HPS5: variants seen among roughly 807,000 people sequenced by gnomAD.
HPS5 encodes the protein BLOC-2 complex member HPS5.
A neutral mutation model predicts 128.0 loss-of-function variants in HPS5; 83 were observed. That is an observed-to-expected ratio of 0.65 (90% CI 0.54 to 0.78). The LOEUF is 0.78. Among genes scored for constraint, HPS5 ranks in the 30% least tolerant of loss-of-function variants. HPS5 has a pLI of 0.00. For synonymous variants in HPS5, 475 were observed against 470.2 expected (o/e 1.01, Z -0.13); for missense variants, 1,281 against 1,326.2 (o/e 0.97, Z 0.53).
At position 18,296,160 on chromosome 11, in the gene HPS5, A is replaced by C. The variant is rs368650907; in HGVS notation, c.1511-38T>G. On this transcript the variant is annotated intron_variant, in intron 12 of 22. Coordinates refer to ENST00000349215, the MANE Select transcript of HPS5 (RefSeq NM_181507.2). ...ATCAGGAAAAAAAGAAACAAAATCTAATCACGTGGGAGTTGTTTTAATCTT... is the reference window on the plus strand; with the variant it reads ...ATCAGGAAAAAAAGAAACAAAATCTCATCACGTGGGAGTTGTTTTAATCTT... The C allele has an allele frequency of 2.3e-5, 37 of 1,603,078 alleles. No individual in the cohort carries two copies. In the African/African-American group the frequency reaches 3.9e-4, roughly 17 times the overall value.
intron 10 of HPS5, among the ~76,000 whole-genome samples, chr11:18,298,093 A>G (rs1861291082): frequency 2.0e-5 from 3 of 151,738 alleles, no homozygotes; most frequent in African/African-American, 4.8e-5. Flanking sequence ...CTCAAAAAAA[A>G]AAAAAAGAAA....
In HPS5 at chr11:18,297,730, C is replaced by CA; in HGVS notation, c.1165-14dup. On this transcript the variant is annotated splice_polypyrimidine_tract_variant and intron_variant, in intron 10 of 22. Transcript: ENST00000349215. The stretch of plus-strand genomic sequence containing the variant: ...AAGTTTTTCTTGCCTAATAAAACAA[C>CA]AGCGCAATGGAATAGCTATTTGTAG... The CA allele has an allele frequency of 6.2e-7, 1 of 1,612,020 alleles. No homozygotes were observed.
At chr11:18,316,239 G>A (rs1863611234) in intron 2 of HPS5, among the ~76,000 whole-genome samples, 1 of 151,926 alleles carries the variant, frequency 6.6e-6, no homozygotes, top group African/African-American at 2.4e-5. Flanking sequence ...AGGTTACAGT[G>A]AGCTAGGATC....
chr11:18,312,458 TA>T lies in HPS5; in HGVS notation c.109-435del, dbSNP rs917406395. On this transcript the variant is annotated intron_variant, in intron 2 of 22. Transcript: ENST00000349215. ...AACACCACAAAACATCCACAAGTCT[TA>T]GGGTAGGTGAGACTCCATCAGAGAA... is the stretch of plus-strand genomic sequence containing the variant. Among the ~76,000 whole-genome samples, 7 of 152,346 alleles carry T rather than the reference TA, an allele frequency of 4.6e-5. No homozygotes were observed. The East Asian group carries it at 1.3e-3, about 29-fold the overall frequency.
chr11:18,298,477 A>G (rs750258013), intron 10 of HPS5, among the ~76,000 whole-genome samples: 5 of 152,236 alleles, frequency 3.3e-5, no homozygotes, highest in Non-Finnish European at 5.9e-5. Context: ...CCTGGGTGAC[A>G]GAGCGAGACT....
At chr11:18,305,855 G>A (rs918598840) in intron 7 of HPS5, among the ~76,000 whole-genome samples, 6 of 151,250 alleles carry the variant, frequency 4.0e-5, no homozygotes, top group Admixed American at 1.3e-4. Flanking sequence ...TCAGCCTCCC[G>A]AGTAGCTGGG....
At chr11:18,283,328 T>TAA (rs34748325) in intron 21 of HPS5, among the ~76,000 whole-genome samples, 42 of 124,482 alleles carry the variant, frequency 3.4e-4, no homozygotes, top group Non-Finnish European at 4.8e-4. Context: ...AATGGGAAAT[T>TAA]AAAAAAAAAA....
chr11:18,297,079 A>C, intron 11 of HPS5, 95 bp from the exon 12 acceptor site: 1 of 833,348 alleles, frequency 1.2e-6, no homozygotes, highest in Non-Finnish European at 1.9e-6. Context: ...ACTCAAATAG[A>C]AAGTTAATAA....
At chr11:18,315,757 T>TG (rs1554947177) in intron 2 of HPS5, among the ~76,000 whole-genome samples, 1 of 152,128 alleles carries the variant, frequency 6.6e-6, no homozygotes, top group African/African-American at 2.4e-5. Context: ...CATGCCCAGA[T>TG]AGACTTTTCA....
chr11:18,285,563 C>A (rs1295016594), intron 19 of HPS5, 104 bp from the exon 20 acceptor site: 3 of 775,892 alleles, frequency 3.9e-6, no homozygotes, highest in Non-Finnish European at 6.5e-6. Flanking sequence ...CATTCTATTA[C>A]TACATTTTAA....
At chr11:18,315,757 T>C (rs1018905604) in intron 2 of HPS5, among the ~76,000 whole-genome samples, 1 of 152,128 alleles carries the variant, frequency 6.6e-6, no homozygotes, top group African/African-American at 2.4e-5. Context: ...CATGCCCAGA[T>C]AGACTTTTCA....
In HPS5 at chr11:18,286,246, T is replaced by C. The variant is rs749715482; in HGVS notation, c.2837+345A>G. ...CCAAAGGAACACTGGAGCTTAATCCTTAGAAATAAGACTCCTAGCCAGGCA... is the reference window on the plus strand; with the variant it reads ...CCAAAGGAACACTGGAGCTTAATCCCTAGAAATAAGACTCCTAGCCAGGCA... On this transcript the variant is annotated intron_variant, in intron 19 of 22. Coordinates refer to ENST00000349215, the MANE Select transcript of HPS5 (RefSeq NM_181507.2). Among the ~76,000 whole-genome samples, 18 of 152,168 alleles carry C rather than the reference T, an allele frequency of 1.2e-4. 1 individual carries two copies. Among genetic ancestry groups the C allele is most frequent in the Admixed American group, 5.2e-4 (8 of 15,276 alleles).
rs369368194 is a variant in HPS5 at position 18,282,203 on chromosome 11, C to T, written c.3076G>A (p.Val1026Met). 38 of 1,614,046 alleles carry T rather than the reference C, an allele frequency of 2.4e-5. No individual in the cohort carries two copies. Among genetic ancestry groups the T allele is most frequent in the Non-Finnish European group, 2.9e-5 (34 of 1,180,046 alleles). ...EGDNGWIPET[V>M]EEWKLLLHLI... ...TGAAGGAGAAGCTTCCATTCCTCCACGGTCTCTGGGATCCAACCTAAACAC... is the reference window on the plus strand; with the variant it reads ...TGAAGGAGAAGCTTCCATTCCTCCATGGTCTCTGGGATCCAACCTAAACAC... The change falls in exon 22 of 23, where the codon GTG becomes ATG. Residue 1026 changes from valine (V) to methionine (M), a missense_variant. Transcript: ENST00000349215.
chr11:18,319,255 C>CCA (rs10531816), intron 1 of HPS5, among the ~76,000 whole-genome samples: 4,664 of 139,176 alleles, frequency 0.034, 102 homozygotes, highest in South Asian at 0.067. Flanking sequence ...AAGACAAATA[C>CCA]CACACACACA....
chr11:18,314,159 C>T (rs1459132668), intron 2 of HPS5, among the ~76,000 whole-genome samples: 1 of 152,186 alleles, frequency 6.6e-6, no homozygotes, highest in Non-Finnish European at 1.5e-5. Flanking sequence ...CTACAGTGCA[C>T]TGCAGTGTGC....
At position 18,296,160 on chromosome 11, in the gene HPS5, A is replaced by G. The variant is rs368650907; in HGVS notation, c.1511-38T>C. The G allele has an allele frequency of 3.1e-6, 5 of 1,603,078 alleles. No homozygotes were observed. In the African/African-American group the frequency reaches 4.0e-5, roughly 13 times the overall value. On this transcript the variant is annotated intron_variant, in intron 12 of 22. Coordinates refer to ENST00000349215, the MANE Select transcript of HPS5 (RefSeq NM_181507.2). ...ATCAGGAAAAAAAGAAACAAAATCTAATCACGTGGGAGTTGTTTTAATCTT... is the reference window on the plus strand; with the variant it reads ...ATCAGGAAAAAAAGAAACAAAATCTGATCACGTGGGAGTTGTTTTAATCTT...
At chr11:18,300,129 T>C (rs1861524119) in intron 9 of HPS5, among the ~76,000 whole-genome samples, 1 of 152,098 alleles carries the variant, frequency 6.6e-6, no homozygotes, top group Non-Finnish European at 1.5e-5. Flanking sequence ...CAATGAATGT[T>C]CCCAACATGA....
Position 18,305,442 on chromosome 11 carries a change from G to A in HPS5, c.876C>T (p.Phe292=). The A allele has an allele frequency of 6.2e-7, 1 of 1,609,116 alleles. No individual in the cohort carries two copies. Among genetic ancestry groups the A allele is most frequent in the Non-Finnish European group, 8.5e-7 (1 of 1,175,702 alleles). ...CTTACCTAAGATGTAAGAGTTTGGG[G>A]AAAGACAAAGACTGGGAGGATCCAG... ...HTAGSSQSLS[F]PKLLHLSEHC... is the part of the protein sequence containing the mutation. The change falls in exon 8 of 23, where the codon TTC becomes TTT. Residue 292 remains phenylalanine, a synonymous_variant. Transcript: ENST00000349215.
chr11:18,291,607 C>A lies in HPS5; in HGVS notation c.2275G>T (p.Gly759Ter). The change falls in exon 16 of 23, where the codon GGA (glycine) becomes TGA (stop). Residue 759 changes from glycine (G) to a stop codon, truncating the protein, a stop_gained. Transcript: ENST00000349215. LOFTEE classifies it high-confidence loss of function. ...TGTTGCAAAGTGTGGTCCACATGTC[C>A]ACTGGTGCTTTTGATCTTAGAATTC... is the stretch of plus-strand genomic sequence containing the variant. ...VLNSKIKSTS[G>*]HVDHTLQQYS... 1 of 1,614,098 alleles carries A rather than the reference C, an allele frequency of 6.2e-7. No homozygotes were observed. Among genetic ancestry groups the A allele is most frequent in the East Asian group, 2.2e-5 (1 of 44,890 alleles).
Sources: gnomAD v4.1 joint callset for allele counts (sites outside exome capture counted in the v4.1 genomes callset) on GRCh38, gnomAD v4.1.1 for gene constraint, MANE v1.5 for transcripts, NCBI Gene and HGNC (gene_info 2026-07-23, HGNC 2026-07-21) for gene names.